The following ZBTB46 variants were observed in gnomAD, a reference collection of about 807,000 sequenced individuals.
ZBTB46 encodes zinc finger and BTB domain containing 46.
ZBTB46 carries 8 observed loss-of-function variants against 44.1 expected under a neutral mutation model. That is an observed-to-expected ratio of 0.18 (90% CI 0.11 to 0.33). The LOEUF is 0.33. Among genes scored for constraint, ZBTB46 ranks in the 10% least tolerant of loss-of-function variants. The pLI, the probability that ZBTB46 is intolerant of heterozygous loss-of-function variation, is 1.00. For synonymous variants in ZBTB46, 409 were observed against 382.3 expected (o/e 1.07, Z -0.81); for missense variants, 651 against 847.7 (o/e 0.77, Z 2.88).
At chr20:63,776,032 C>T in intron 2 of ZBTB46, 70 bp from the exon 3 acceptor site, 1 of 1,479,018 alleles carries the variant, frequency 6.8e-7, no homozygotes, top group Non-Finnish European at 8.9e-7. Context: ...ACAGGCGACA[C>T]ATTTAGAAGG....
intron 4 of ZBTB46, among the ~76,000 whole-genome samples, chr20:63,748,618 C>T (rs1295975273): frequency 1.3e-5 from 2 of 152,212 alleles, no homozygotes; most frequent in Non-Finnish European, 2.9e-5. Flanking sequence ...CAACCCCTGG[C>T]CCCTGGCCAA....
At chr20:63,827,329 C>T (rs966703839) in intron 1 of ZBTB46, among the ~76,000 whole-genome samples, 27 of 152,166 alleles carry the variant, frequency 1.8e-4, no homozygotes, top group Admixed American at 6.5e-5. Context: ...AAAAGATGGC[C>T]GGGCGCGGTG....
At position 63,767,023 on chromosome 20, in the gene ZBTB46, T is replaced by C. The variant is rs1036784763; in HGVS notation, c.1222+8655A>G. Among the ~76,000 whole-genome samples, 2 of 152,190 alleles carry C rather than the reference T, an allele frequency of 1.3e-5. No homozygotes were observed. Among genetic ancestry groups the C allele is most frequent in the African/African-American group, 4.8e-5 (2 of 41,442 alleles). On this transcript the variant is annotated intron_variant, in intron 3 of 4. Transcript: ENST00000245663. This position sits in a 1 kb window ranked among gnomAD's most constrained non-coding sequence, Gnocchi z 5.0. The stretch of plus-strand genomic sequence containing the variant: ...GGAGCCCACCAAGTCCACAACCACC[T>C]GCTCTGAATAGAAAGCTGACATTGA...
chr20:63,747,122 CGCCTCTGGA>C lies in ZBTB46; in HGVS notation c.1569_1577del (p.Pro524_Ala526del). ...GATAGGGCCCGTCGCCTGGGAACAG[CGCCTCTGGA>C]GAGCCCTCGCCGCCTCCGCCGCCAT... On this transcript the variant is annotated inframe_deletion, in exon 5 of 5. Coordinates refer to ENST00000245663, the MANE Select transcript of ZBTB46 (RefSeq NM_001369741.1). 6.2e-7 allele frequency: 1 copy of C among 1,610,238 alleles called. No homozygotes were observed. Among genetic ancestry groups the C allele is most frequent in the South Asian group, 1.1e-5 (1 of 90,988 alleles).
intron 1 of ZBTB46, among the ~76,000 whole-genome samples, chr20:63,808,938 C>G (rs1462204508): frequency 7.3e-6 from 1 of 136,942 alleles, no homozygotes; most frequent in African/African-American, 2.8e-5. Context: ...GATGGCGCCA[C>G]TGCACTCCAG....
intron 3 of ZBTB46, among the ~76,000 whole-genome samples, chr20:63,774,569 A>G (rs1486470884): frequency 6.6e-6 from 1 of 151,748 alleles, no homozygotes; most frequent in African/African-American, 2.4e-5. Context: ...GAGGCGCCTC[A>G]CTCACTCTCA....
At chr20:63,749,238 A>G (rs1398617675) in intron 4 of ZBTB46, among the ~76,000 whole-genome samples, 1 of 152,256 alleles carries the variant, frequency 6.6e-6, no homozygotes, top group Non-Finnish European at 1.5e-5. Context: ...GCAGCACCAC[A>G]CAGCACACCT....
intron 3 of ZBTB46, among the ~76,000 whole-genome samples, chr20:63,774,743 G>A (rs561212260): frequency 4.1e-5 from 6 of 146,668 alleles, no homozygotes; most frequent in East Asian, 2.0e-4. Flanking sequence ...TCCCTCTGTC[G>A]CCCCGGCTGG....
At chr20:63,808,257 T>TGGGGCCCCAGCGATGAACCTGTCA (rs2092694681) in intron 1 of ZBTB46, 1 of 152,396 alleles carries the variant, frequency 6.6e-6, no homozygotes, top group Admixed American at 6.5e-5. Flanking sequence ...GGGGGGCCCA[T>TGGGGCCCCAGCGATGAACCTGTCA]GGGGCCCCAG....
At chr20:63,830,291 G>C (rs2092841546) in intron 1 of ZBTB46, among the ~76,000 whole-genome samples, 1 of 152,268 alleles carries the variant, frequency 6.6e-6, no homozygotes, top group Admixed American at 6.5e-5. Flanking sequence ...TAGGGATTGA[G>C]TTGTCAGACA....
chr20:63,767,285 C>G lies in ZBTB46; in HGVS notation c.1222+8393G>C, dbSNP rs566760571. On this transcript the variant is annotated intron_variant, in intron 3 of 4. Transcript: ENST00000245663. This position sits in a 1 kb window ranked among gnomAD's most constrained non-coding sequence, Gnocchi z 5.0. Reference sequence around the variant, plus strand: ...TGTTTTCCCGCCCCTGAAAGCCCCCCGTCCCCACACATTGGCAATCCCGTA... The same window carrying G: ...TGTTTTCCCGCCCCTGAAAGCCCCCGGTCCCCACACATTGGCAATCCCGTA... Among the ~76,000 whole-genome samples, 3 of 152,102 alleles carry G rather than the reference C, an allele frequency of 2.0e-5. No individual in the cohort carries two copies. Among genetic ancestry groups the G allele is most frequent in the Admixed American group, 1.3e-4 (2 of 15,274 alleles).
rs202191527 is a variant in ZBTB46 at position 63,748,092 on chromosome 20, C to T, written c.1399-791G>A. On this transcript the variant is annotated intron_variant, in intron 4 of 4. Transcript: ENST00000245663. ...CCCCTCAGTCCCTGACCCCTCAGCC[C>T]GACCCTGACTCCAGGAACGTGTAAA... is the stretch of plus-strand genomic sequence containing the variant. Among the ~76,000 whole-genome samples, 46 of 150,734 alleles carry T rather than the reference C, an allele frequency of 3.1e-4. No homozygotes were observed. In the South Asian group the frequency reaches 7.3e-3, roughly 24 times the overall value.
chr20:63,806,072 G>A (rs2092679523), intron 1 of ZBTB46, among the ~76,000 whole-genome samples: 1 of 151,290 alleles, frequency 6.6e-6, no homozygotes, highest in Non-Finnish European at 1.5e-5. Context: ...ACCATGCCCG[G>A]CCCCAACTTT....
chr20:63,828,615 A>G (rs2092832042), intron 1 of ZBTB46, among the ~76,000 whole-genome samples: 1 of 152,258 alleles, frequency 6.6e-6, no homozygotes, highest in Non-Finnish European at 1.5e-5. Context: ...CAGCAGCCTG[A>G]GTTTTTACAA....
chr20:63,788,682 T>C (rs1403020816), intron 2 of ZBTB46, among the ~76,000 whole-genome samples: 2 of 151,760 alleles, frequency 1.3e-5, no homozygotes, highest in Admixed American at 6.6e-5. Flanking sequence ...CTACTGAAAA[T>C]ACACAAATTA....
In ZBTB46 at chr20:63,746,720, CACTT is replaced by C. The variant is rs1568821105; in HGVS notation, c.*206_*209del. The C allele has an allele frequency of 2.8e-6, 2 of 711,974 alleles. No individual in the cohort carries two copies. Among genetic ancestry groups the C allele is most frequent in the Non-Finnish European group, 4.2e-6 (2 of 474,396 alleles). 44.1% of individuals were successfully genotyped at this position (711,974 alleles called of 1,614,324 possible). A position where few individuals can be genotyped will look rare whatever the true frequency, so the allele number is the denominator to read the frequency against. ...ACCCACCCTGTGCCCTCCCCCAACT[CACTT>C]CATGTCTGGTCCCAGAGCACCCCTC... is the stretch of plus-strand genomic sequence containing the variant. On this transcript the variant is annotated 3_prime_UTR_variant, in exon 5 of 5. Coordinates refer to ENST00000245663, the MANE Select transcript of ZBTB46 (RefSeq NM_001369741.1).
intron 2 of ZBTB46, among the ~76,000 whole-genome samples, chr20:63,783,299 C>T (rs569124921): frequency 1.5e-4 from 23 of 152,186 alleles, no homozygotes; most frequent in South Asian, 1.2e-3. Context: ...CGTGGTGGCA[C>T]GTGCCTGTAG....
intron 2 of ZBTB46, among the ~76,000 whole-genome samples, chr20:63,777,590 A>C (rs2092436138): frequency 6.6e-6 from 1 of 152,342 alleles, no homozygotes; most frequent in East Asian, 1.9e-4. Context: ...AGGTCCTCAC[A>C]ACATCAGGTA....
upstream of ZBTB46, among the ~76,000 whole-genome samples, chr20:63,831,513 G>C (rs1298053337): frequency 4.8e-5 from 7 of 147,126 alleles, no homozygotes; most frequent in African/African-American, 1.5e-4. Flanking sequence ...TCCCCCCCGC[G>C]GGCAGCCGGA....
Sources: gnomAD v4.1 joint callset for allele counts (sites outside exome capture counted in the v4.1 genomes callset) on GRCh38, gnomAD v4.1.1 for gene constraint, Gnocchi (gnomAD v3.1) non-coding constraint, MANE v1.5 for transcripts, NCBI Gene and HGNC (gene_info 2026-07-23, HGNC 2026-07-21) for gene names.